GBE1: variants seen among roughly 807,000 people sequenced by gnomAD.
The protein encoded by GBE1 is 1,4-alpha-glucan branching enzyme 1.
In GBE1, 70 loss-of-function variants were observed where a neutral mutation model predicts 88.8. The ratio of observed to expected loss-of-function variants is 0.79; its 90% confidence interval spans 0.65 to 0.96. GBE1 has a LOEUF of 0.96. GBE1 is among the 40% of genes least tolerant of loss of function. The pLI is 0.00. For missense variants in GBE1, 872 were observed against 871.0 expected, an observed-to-expected ratio of 1.00 and a Z score of -0.01; for synonymous variants, 284 against 300.1, an observed-to-expected ratio of 0.95 and a Z score of 0.56.
intron 3 of GBE1, among the ~76,000 whole-genome samples, chr3:81,667,721 T>C (rs1222669961): frequency 6.6e-6 from 1 of 152,224 alleles, no homozygotes; most frequent in Non-Finnish European, 1.5e-5. Context: ...TTTTTGTCCT[T>C]GGTTCTGTTT....
At chr3:81,535,385 T>C in intron 13 of GBE1, 60 bp from the exon 14 acceptor site, 1 of 1,491,874 alleles carries the variant, frequency 6.7e-7, no homozygotes, top group East Asian at 2.3e-5. Flanking sequence ...TACAAGTACA[T>C]TATTTTTTGT....
intron 1 of GBE1, among the ~76,000 whole-genome samples, chr3:81,736,156 C>G (rs1706255224): frequency 1.3e-5 from 2 of 152,162 alleles, no homozygotes; most frequent in Non-Finnish European, 2.9e-5. Flanking sequence ...CTCCCCTCAC[C>G]AAGACATTTC....
At chr3:81,730,055 G>A (rs1047207309) in intron 1 of GBE1, among the ~76,000 whole-genome samples, 3 of 151,954 alleles carry the variant, frequency 2.0e-5, no homozygotes, top group African/African-American at 7.3e-5. Flanking sequence ...TGTTTCCAAT[G>A]CCATCAACAG....
chr3:81,639,158 G>A (rs534221175), intron 7 of GBE1, among the ~76,000 whole-genome samples: 4 of 152,096 alleles, frequency 2.6e-5, no homozygotes, highest in Non-Finnish European at 5.9e-5. Context: ...TATGAAGAGG[G>A]TGAAAGTGAA....
At chr3:81,644,252 A>G (rs548966487) in intron 6 of GBE1, among the ~76,000 whole-genome samples, 2 of 152,282 alleles carry the variant, frequency 1.3e-5, no homozygotes, top group African/African-American at 4.8e-5. Flanking sequence ...GTCGATAATA[A>G]TAAGTGTCCT....
chr3:81,649,775 T>G, intron 4 of GBE1, 21 bp downstream of exon 4: 1 of 1,566,416 alleles, frequency 6.4e-7, no homozygotes, highest in Non-Finnish European at 8.6e-7. Flanking sequence ...AATAATTTAT[T>G]TAAAGATTTG....
chr3:81,757,030 TC>T (rs955887064), intron 1 of GBE1, among the ~76,000 whole-genome samples: 3 of 152,256 alleles, frequency 2.0e-5, no homozygotes, highest in Non-Finnish European at 4.4e-5. Context: ...TCTTCATCTT[TC>T]TTATCTTTTA....
At chr3:81,524,179 A>G (rs370203570) in intron 14 of GBE1, among the ~76,000 whole-genome samples, 15 of 152,016 alleles carry the variant, frequency 9.9e-5, no homozygotes, top group African/African-American at 3.6e-4. Context: ...TGTCTTTTGG[A>G]AAAAAGTTAT....
intron 14 of GBE1, among the ~76,000 whole-genome samples, chr3:81,526,004 T>G (rs1244274612): frequency 2.0e-5 from 3 of 152,234 alleles, no homozygotes; most frequent in African/African-American, 7.2e-5. Context: ...ATTGATTTTT[T>G]GAAGGGTTTT....
chr3:81,493,138 CA>C (rs928926574), intron 15 of GBE1, among the ~76,000 whole-genome samples: 1 of 152,166 alleles, frequency 6.6e-6, no homozygotes, highest in African/African-American at 2.4e-5. Context: ...CTGCCATGAG[CA>C]ATCTAAAAGT....
intron 15 of GBE1, among the ~76,000 whole-genome samples, chr3:81,495,199 G>A (rs1702485119): frequency 6.6e-6 from 1 of 152,098 alleles, no homozygotes; most frequent in Admixed American, 6.5e-5. Flanking sequence ...GACCAGCCTG[G>A]CCAACATGAT....
At chr3:81,512,504 A>T (rs1702739283) in intron 14 of GBE1, among the ~76,000 whole-genome samples, 1 of 151,900 alleles carries the variant, frequency 6.6e-6, no homozygotes, top group South Asian at 2.1e-4. Flanking sequence ...CAAAGGCATC[A>T]TTAACCTCTA....
At chr3:81,687,496 G>C (rs550252183) in intron 2 of GBE1, among the ~76,000 whole-genome samples, 1 of 152,254 alleles carries the variant, frequency 6.6e-6, no homozygotes, top group African/African-American at 2.4e-5. Flanking sequence ...GAAAAGTCAA[G>C]GCAACTATTA....
rs937260136 is a variant in GBE1, at chr3:81,712,703, C to T, written c.144-7090G>A. Among the ~76,000 whole-genome samples the T allele has an allele frequency of 4.6e-5, 7 of 151,830 alleles. No homozygotes were observed. In the South Asian group the frequency reaches 1.0e-3, roughly 23 times the overall value. Reference sequence around the variant, plus strand: ...TAGGAAATATACCTAATGTAAATGACGAGTTAATGGGTGCAGCACACCAAT... The same window carrying T: ...TAGGAAATATACCTAATGTAAATGATGAGTTAATGGGTGCAGCACACCAAT... On this transcript the variant is annotated intron_variant, in intron 1 of 15. Coordinates refer to ENST00000429644, the MANE Select transcript of GBE1 (RefSeq NM_000158.4).
At chr3:81,714,228 G>A (rs1705909930) in intron 1 of GBE1, among the ~76,000 whole-genome samples, 1 of 152,112 alleles carries the variant, frequency 6.6e-6, no homozygotes, top group Non-Finnish European at 1.5e-5. Context: ...AATATTTAGT[G>A]AGCACCAATT....
At chr3:81,590,165 A>T (rs923662754) in intron 9 of GBE1, among the ~76,000 whole-genome samples, 2 of 152,046 alleles carry the variant, frequency 1.3e-5, no homozygotes, top group Admixed American at 1.3e-4. Context: ...GAAATGGTGG[A>T]TATAAAAACA....
chr3:81,503,566 G>A lies in GBE1; in HGVS notation c.1935-4339C>T, dbSNP rs187382438. Among the ~76,000 whole-genome samples the A allele has an allele frequency of 2.3e-4, 35 of 152,258 alleles. 1 individual carries two copies. Among genetic ancestry groups the A allele is most frequent in the Admixed American group, 1.4e-3 (22 of 15,290 alleles). ...TAATCTCTGACTGTGGGAAAGGAGA[G>A]ACATAGACTGAGTTTCAGAAGTACA... On this transcript the variant is annotated intron_variant, in intron 14 of 15. Transcript: ENST00000429644.
At position 81,536,908 on chromosome 3, in the gene GBE1, T is replaced by C; in HGVS notation, c.1803+3A>G. 6.3e-7 allele frequency: 1 copy of C among 1,583,666 alleles called. No individual in the cohort carries two copies. The highest frequency in any genetic ancestry group is 8.6e-7 in the Non-Finnish European group (1 of 1,167,380). On this transcript the variant is annotated splice_donor_region_variant and intron_variant, in intron 13 of 15. Transcript: ENST00000429644. ...AACACAGCATCCAGAGTGAAGAGCTTACCTGTGGAGCTGCAAGCCAACCAT... is the reference window on the plus strand; with the variant it reads ...AACACAGCATCCAGAGTGAAGAGCTCACCTGTGGAGCTGCAAGCCAACCAT...
intron 12 of GBE1, among the ~76,000 whole-genome samples, chr3:81,544,595 G>A (rs551186558): frequency 2.6e-5 from 4 of 152,134 alleles, no homozygotes; most frequent in East Asian, 1.9e-4. Flanking sequence ...ACAAAATCAC[G>A]GAAGCCCGTA....
Sources: allele counts gnomAD v4.1 joint callset (sites outside exome capture counted in the v4.1 genomes callset), GRCh38; gene constraint gnomAD v4.1.1; transcripts MANE v1.5; gene names NCBI Gene and HGNC (gene_info 2026-07-23, HGNC 2026-07-21).